The following LIPK variants were observed in gnomAD, a reference collection of about 807,000 sequenced individuals.
The protein encoded by LIPK is lipase family member K.
In LIPK, 32 loss-of-function variants were observed where a neutral mutation model predicts 48.6. The ratio of observed to expected loss-of-function variants is 0.66; its 90% CI spans 0.50 to 0.88. The LOEUF (loss-of-function observed/expected upper bound fraction) is 0.88. Ranked by LOEUF, LIPK falls within the 40% of genes least tolerant of loss-of-function variation. LIPK has a pLI of 0.00. For missense variants in LIPK, 507 were observed against 478.5 expected, an observed-to-expected ratio of 1.06 and a Z score of -0.56; for synonymous variants, 164 against 157.4, an observed-to-expected ratio of 1.04 and a Z score of -0.32.
At chr10:88,746,477 C>T (rs536987545) in intron 9 of LIPK, among the ~76,000 whole-genome samples, 1 of 152,008 alleles carries the variant, frequency 6.6e-6, no homozygotes, top group East Asian at 1.9e-4. Context: ...CAAGATGATC[C>T]ATCAAAACCA....
intron 8 of LIPK, among the ~76,000 whole-genome samples, chr10:88,740,762 G>A (rs1162250610): frequency 2.0e-5 from 3 of 152,102 alleles, no homozygotes; most frequent in African/African-American, 7.2e-5. Context: ...ATAATTCTAT[G>A]ACGGGGAAAG....
chr10:88,711,302 A>G (rs1186694260), intron 1 of LIPK, among the ~76,000 whole-genome samples: 1 of 152,082 alleles, frequency 6.6e-6, no homozygotes, highest in African/African-American at 2.4e-5. Context: ...TGCTATATAT[A>G]TATGTAGTGA....
chr10:88,726,385 A>G (rs1236947718), intron 2 of LIPK, among the ~76,000 whole-genome samples: 1 of 152,222 alleles, frequency 6.6e-6, no homozygotes, highest in Non-Finnish European at 1.5e-5. Context: ...CAGTAGGTGC[A>G]ATTTAAAGTA....
chr10:88,740,123 A>G, intron 8 of LIPK, 56 bp downstream of exon 8: 1 of 1,403,122 alleles, frequency 7.1e-7, no homozygotes, highest in Non-Finnish European at 9.9e-7. Flanking sequence ...ACCCTCAAGA[A>G]GTGCTCTCAG....
intron 9 of LIPK, among the ~76,000 whole-genome samples, chr10:88,746,692 C>T (rs1030181074): frequency 6.6e-6 from 1 of 152,104 alleles, no homozygotes; most frequent in Non-Finnish European, 1.5e-5. Flanking sequence ...AAGAACCTAA[C>T]ATCACACCTA....
chr10:88,708,855 CAGT>C (rs1448752868), intron 1 of LIPK, among the ~76,000 whole-genome samples: 5 of 151,848 alleles, frequency 3.3e-5, no homozygotes, highest in Admixed American at 2.6e-4. Context: ...TTTTATTGAT[CAGT>C]AGATTATTCT....
At chr10:88,736,517 G>A (rs941898329) in intron 6 of LIPK, among the ~76,000 whole-genome samples, 1 of 152,040 alleles carries the variant, frequency 6.6e-6, no homozygotes, top group Admixed American at 6.5e-5. Context: ...GTTTTCAAGT[G>A]TGACAATTTA....
At chr10:88,731,496 G>A (rs1486654719) in intron 4 of LIPK, among the ~76,000 whole-genome samples, 1 of 152,206 alleles carries the variant, frequency 6.6e-6, no homozygotes, top group Non-Finnish European at 1.5e-5. Flanking sequence ...CAGCAGCAGC[G>A]CCTGAGGGTG....
intron 1 of LIPK, among the ~76,000 whole-genome samples, chr10:88,724,228 T>C (rs1842289063): frequency 6.6e-6 from 1 of 152,330 alleles, no homozygotes. Context: ...TATATTTCTT[T>C]TCTACACATT....
chr10:88,712,969 T>G (rs1842051381), intron 1 of LIPK, among the ~76,000 whole-genome samples: 1 of 152,180 alleles, frequency 6.6e-6, no homozygotes, highest in Admixed American at 6.5e-5. Context: ...AGCCTGTAAC[T>G]CTATATTAGC....
At chr10:88,727,992 G>A in intron 3 of LIPK, 1 of 357,562 alleles carries the variant, frequency 2.8e-6, no homozygotes, top group Non-Finnish European at 5.5e-6. Flanking sequence ...GGGACCAGAA[G>A]CTGAAGGTGG....
chr10:88,711,460 C>T (rs1221254765), intron 1 of LIPK, among the ~76,000 whole-genome samples: 1 of 151,986 alleles, frequency 6.6e-6, no homozygotes, highest in Non-Finnish European at 1.5e-5. Context: ...TGTACATTAG[C>T]TGTTTTGTTT....
chr10:88,751,981 G>A (rs1051446892), intron 9 of LIPK, among the ~76,000 whole-genome samples: 3 of 152,266 alleles, frequency 2.0e-5, no homozygotes, highest in Non-Finnish European at 4.4e-5. Flanking sequence ...AGCGGTAAGG[G>A]AAAACTTGCT....
intron 1 of LIPK, among the ~76,000 whole-genome samples, chr10:88,707,000 T>C (rs1841947818): frequency 6.6e-6 from 1 of 152,150 alleles, no homozygotes; most frequent in East Asian, 1.9e-4. Context: ...GCTAGAAAGA[T>C]GAAGATGAGT....
In LIPK at chr10:88,745,380, G is replaced by A. The variant is rs148490142; in HGVS notation, c.960+2059G>A. On this transcript the variant is annotated intron_variant, in intron 9 of 9. Coordinates refer to ENST00000404190, the MANE Select transcript of LIPK (RefSeq NM_001080518.2). Reference sequence around the variant, plus strand: ...AGAAAAAATATTAAAGGCAGCTAGAGAGAAGGGGCAGTTCACCAACAAAGG... The same window carrying A: ...AGAAAAAATATTAAAGGCAGCTAGAAAGAAGGGGCAGTTCACCAACAAAGG... Among the ~76,000 whole-genome samples the A allele has an allele frequency of 2.7e-3, 418 of 152,246 alleles. 3 individuals are homozygous for A. The highest frequency in any genetic ancestry group is 9.7e-3 in the African/African-American group (403 of 41,532).
intron 1 of LIPK, among the ~76,000 whole-genome samples, chr10:88,712,600 A>C (rs303505): frequency 0.79 from 119,649 of 152,056 alleles, 48,004 homozygotes; most frequent in East Asian, 1. Context: ...GTTTTTTTTT[A>C]TTAATTCCAG....
chr10:88,729,161 C>CA (rs1158592562), intron 3 of LIPK, among the ~76,000 whole-genome samples: 2 of 134,230 alleles, frequency 1.5e-5, no homozygotes, highest in Admixed American at 8.8e-5. Context: ...GGAATCTCTG[C>CA]AAAAAAGACC....
chr10:88,735,072 TATAAAGC>T (rs1842544617), intron 6 of LIPK, among the ~76,000 whole-genome samples: 1 of 152,176 alleles, frequency 6.6e-6, no homozygotes, highest in South Asian at 2.1e-4. Flanking sequence ...CTGAATTGAG[TATAAAGC>T]ATAAAGACTT....
At chr10:88,731,911 T>C (rs555471517) in intron 4 of LIPK, among the ~76,000 whole-genome samples, 3 of 152,346 alleles carry the variant, frequency 2.0e-5, no homozygotes, top group Admixed American at 2.0e-4. Context: ...AAATCTGTTA[T>C]AGAATTAAGT....
Sources: allele counts gnomAD v4.1 joint callset (sites outside exome capture counted in the v4.1 genomes callset), GRCh38; gene constraint gnomAD v4.1.1; transcripts MANE v1.5; gene names NCBI Gene and HGNC (gene_info 2026-07-23, HGNC 2026-07-21).